Variants in GSTO1 observed in about 807,000 individuals in gnomAD.
GSTO1 encodes the protein glutathione S-transferase omega-1.
Under a neutral mutation model 23.8 loss-of-function variants are expected in GSTO1, and 27 were observed. That is an observed-to-expected ratio of 1.13 (90% confidence interval 0.83 to 1.56). GSTO1 has a LOEUF of 1.56. Among genes scored for constraint, GSTO1 ranks in the 40% most tolerant of loss-of-function variants. GSTO1 has a pLI of 0.00. For missense variants in GSTO1, 255 were observed against 285.8 expected, an observed-to-expected ratio of 0.89 and a Z score of 0.78; for synonymous variants, 105 against 109.3, an observed-to-expected ratio of 0.96 and a Z score of 0.25.
rs769727460 is a variant in GSTO1 at position 104,255,187 on chromosome 10, C to T, written c.59C>T (p.Pro20Leu). The T allele has an allele frequency of 2.5e-6, 4 of 1,613,656 alleles. No homozygotes were observed. Among genetic ancestry groups the T allele is most frequent in the African/African-American group, 2.7e-5 (2 of 74,916 alleles). Residue 20 changes from proline to leucine, a missense_variant, in exon 2 of 6, where the codon CCG (proline) becomes CTG (leucine). Transcript: ENST00000369713. ...GGAAGCGCGCCCCCGGGGCCGGTCC[C>T]GGAGGGCTCGATCCGCATCTACAGC... ...GKGSAPPGPV[P>L]EGSIRIYSMR...
intron 2 of GSTO1, among the ~76,000 whole-genome samples, chr10:104,258,369 G>C (rs1230646517): frequency 6.6e-6 from 1 of 152,146 alleles, no homozygotes; most frequent in African/African-American, 2.4e-5. Context: ...CAAAGACCAG[G>C]CAACAAGACC....
At chr10:104,263,116 A>G (rs766780064) in intron 4 of GSTO1, 39 bp downstream of exon 4, 3 of 802,768 alleles carry the variant, frequency 3.7e-6, no homozygotes, top group Middle Eastern at 3.1e-4. Context: ...GTAAACGATA[A>G]CTATATCTAC....
intron 2 of GSTO1, among the ~76,000 whole-genome samples, chr10:104,255,485 T>C (rs2091598834): frequency 6.6e-6 from 1 of 152,234 alleles, no homozygotes; most frequent in South Asian, 2.1e-4. Flanking sequence ...ACACCTCATT[T>C]AGATTAACCA....
chr10:104,255,055 C>T (rs1331331737), intron 1 of GSTO1, 93 bp downstream of exon 1: 3 of 1,464,364 alleles, frequency 2.0e-6, no homozygotes, highest in Non-Finnish European at 2.8e-6. Flanking sequence ...CCGGGAGCGC[C>T]CCACCGGCGG....
In GSTO1 at chr10:104,263,170, A is replaced by ATTTC. The variant is rs2011153241; in HGVS notation, c.465+93_465+94insTTTC. 5.1e-6 allele frequency: 3 copies of ATTTC among 593,496 alleles called. No homozygotes were observed. The African/African-American group carries it at 5.6e-5, about 11-fold the overall frequency. The allele number at this position is 593,496 out of a possible 1,614,324, so 36.8% of individuals were successfully genotyped here. Reference sequence around the variant, plus strand: ...CTTTTCTTTATATTCCCACTTTCCAAGTCACTTTAAGGTAATTAGGAAAAT... The same window carrying ATTTC: ...CTTTTCTTTATATTCCCACTTTCCAATTTCGTCACTTTAAGGTAATTAGGAAAAT... On this transcript the variant is annotated intron_variant, in intron 4 of 5. Coordinates refer to ENST00000369713, the MANE Select transcript of GSTO1 (RefSeq NM_004832.3).
chr10:104,265,760 A>G (rs551054665), intron 4 of GSTO1, among the ~76,000 whole-genome samples: 3 of 152,234 alleles, frequency 2.0e-5, no homozygotes, highest in East Asian at 3.9e-4. Flanking sequence ...CATTTTTCCA[A>G]TGGGTCGTTT....
chr10:104,255,469 T>G (rs959332466), intron 2 of GSTO1, among the ~76,000 whole-genome samples, 198 bp downstream of exon 2: 2 of 152,080 alleles, frequency 1.3e-5, no homozygotes, highest in African/African-American at 2.4e-5. Flanking sequence ...ATTCCAACGG[T>G]CTAGGACACC....
At chr10:104,254,469 C>CAGG (rs1409220432), upstream of GSTO1, 1 of 181,208 alleles carries the variant, frequency 5.5e-6, no homozygotes, top group Non-Finnish European at 1.2e-5. Context: ...ACAAGCTGAA[C>CAGG]AGGAGCCTTT....
intron 4 of GSTO1, among the ~76,000 whole-genome samples, chr10:104,265,292 C>T (rs2011170134): frequency 6.6e-6 from 1 of 152,108 alleles, no homozygotes; most frequent in South Asian, 2.1e-4. Flanking sequence ...TCTTTTGGGT[C>T]TGCCTGCTTT....
At chr10:104,256,982 T>C (rs898222244) in intron 2 of GSTO1, among the ~76,000 whole-genome samples, 7 of 152,158 alleles carry the variant, frequency 4.6e-5, no homozygotes, top group African/African-American at 1.4e-4. Flanking sequence ...CATGTTCAAA[T>C]TGGATGTTCC....
At chr10:104,266,968 A>G (rs893470726) in intron 5 of GSTO1, among the ~76,000 whole-genome samples, 2 of 152,138 alleles carry the variant, frequency 1.3e-5, no homozygotes, top group African/African-American at 4.8e-5. Context: ...TCCTGATTGT[A>G]TTCCCTGTTC....
intron 4 of GSTO1, among the ~76,000 whole-genome samples, chr10:104,263,952 CTAAGA>C (rs139265900): frequency 0.074 from 11,128 of 151,290 alleles, 1,355 homozygotes; most frequent in African/African-American, 0.26. Flanking sequence ...CCTAGCATTC[CTAAGA>C]TAAAACCTAC....
intron 5 of GSTO1, 113 bp from the exon 6 acceptor site, chr10:104,267,139 A>T: frequency 1.7e-6 from 1 of 599,482 alleles, no homozygotes; most frequent in Non-Finnish European, 2.8e-6. Flanking sequence ...ATTTTTAATG[A>T]AATATTTAAG....
At chr10:104,255,348 G>A (rs1005715411) in intron 2 of GSTO1, 77 bp downstream of exon 2, 1 of 906,892 alleles carries the variant, frequency 1.1e-6, no homozygotes, top group East Asian at 2.5e-5. Context: ...TGGGGTCTCA[G>A]CCCCCTTCTA....
upstream of GSTO1, chr10:104,254,595 T>C: frequency 2.5e-6 from 1 of 392,680 alleles, no homozygotes; most frequent in Non-Finnish European, 4.7e-6. Flanking sequence ...GGGAGGGAGG[T>C]CAGGGTCAGG....
At chr10:104,259,198 TCA>T (rs2011115956) in intron 2 of GSTO1, among the ~76,000 whole-genome samples, 1 of 152,186 alleles carries the variant, frequency 6.6e-6, no homozygotes, top group Non-Finnish European at 1.5e-5. Context: ...ATTAGCACTC[TCA>T]CGTAGACTGC....
At chr10:104,266,666 G>A (rs937900847) in intron 5 of GSTO1, among the ~76,000 whole-genome samples, 2 of 151,866 alleles carry the variant, frequency 1.3e-5, no homozygotes, top group African/African-American at 4.8e-5. Context: ...GAACCCGGGA[G>A]GCAGTTGCAG....
intron 4 of GSTO1, among the ~76,000 whole-genome samples, chr10:104,263,349 T>A (rs549809431): frequency 6.6e-5 from 10 of 152,358 alleles, no homozygotes; most frequent in African/African-American, 2.4e-4. Context: ...AAGGAAATTG[T>A]ACCCACGTTT....
rs1261434458 is a variant in GSTO1, at chr10:104,267,250, AGGT to A, written c.573_575del (p.Glu191_Cys192delinsAsp). 6.2e-7 allele frequency: 1 copy of A among 1,605,738 alleles called. No individual in the cohort carries two copies. Among genetic ancestry groups the A allele is most frequent in the Admixed American group, 1.7e-5 (1 of 58,972 alleles). On this transcript the variant is annotated splice_acceptor_variant and coding_sequence_variant, in exon 6 of 6. Coordinates refer to ENST00000369713, the MANE Select transcript of GSTO1 (RefSeq NM_004832.3). LOFTEE classifies it high-confidence loss of function. The stretch of plus-strand genomic sequence containing the variant: ...ACCTTTCATTTTTTCCTCTTCCCAC[AGGT>A]GTGTAGACCACACTCCAAAACTGAA...
Sources: allele counts gnomAD v4.1 joint callset (sites outside exome capture counted in the v4.1 genomes callset), GRCh38; gene constraint gnomAD v4.1.1; transcripts MANE v1.5; gene names NCBI Gene and HGNC (gene_info 2026-07-23, HGNC 2026-07-21).